STXBP5L: variants seen among roughly 807,000 people sequenced by gnomAD.
STXBP5L encodes the protein syntaxin binding protein 5L.
Under a neutral mutation model 144.5 loss-of-function variants are expected in STXBP5L, and 65 were observed. The ratio of observed to expected loss-of-function variants is 0.45; its 90% CI spans 0.37 to 0.55. The LOEUF (loss-of-function observed/expected upper bound fraction) is 0.55, where lower values mean the gene tolerates loss of function less well. Among genes scored for constraint, STXBP5L ranks in the 20% least tolerant of loss-of-function variants. STXBP5L has a pLI of 0.00. For synonymous variants in STXBP5L, 505 were observed against 469.6 expected (o/e 1.08, Z -0.97); for missense variants, 1,298 against 1,405.5 (o/e 0.92, Z 1.22).
At chr3:121,232,301 G>T (rs138111324) in intron 11 of STXBP5L, among the ~76,000 whole-genome samples, 1 of 152,034 alleles carries the variant, frequency 6.6e-6, no homozygotes, top group East Asian at 1.9e-4. Flanking sequence ...CCCTAACAAA[G>T]CCCCCTTGTG....
intron 19 of STXBP5L, among the ~76,000 whole-genome samples, chr3:121,280,877 A>G (rs2051035444): frequency 4.0e-5 from 6 of 151,460 alleles, no homozygotes; most frequent in Admixed American, 3.3e-4. Context: ...GTAATTCAAG[A>G]CCAGTCTACG....
At chr3:120,927,778 G>A (rs970297134) in intron 2 of STXBP5L, among the ~76,000 whole-genome samples, 14 of 152,030 alleles carry the variant, frequency 9.2e-5, no homozygotes, top group Non-Finnish European at 1.5e-5. Context: ...ATTTGTTTAG[G>A]TTTTCTGTAT....
chr3:121,167,207 A>G (rs1448308177), intron 9 of STXBP5L, among the ~76,000 whole-genome samples: 1 of 152,184 alleles, frequency 6.6e-6, no homozygotes, highest in African/African-American at 2.4e-5. Context: ...ATGAAGTACA[A>G]TTAATAAAAC....
chr3:121,081,763 GC>G (rs1276983331), intron 5 of STXBP5L, among the ~76,000 whole-genome samples: 1 of 152,182 alleles, frequency 6.6e-6, no homozygotes, highest in Non-Finnish European at 1.5e-5. Context: ...GTGGGCAGAG[GC>G]CCAGTATTTA....
chr3:121,149,393 C>CA (rs968685113), intron 7 of STXBP5L, among the ~76,000 whole-genome samples: 1 of 151,954 alleles, frequency 6.6e-6, no homozygotes, highest in Non-Finnish European at 1.5e-5. Context: ...AATGGGGAAA[C>CA]ACTAGAGGCA....
intron 3 of STXBP5L, among the ~76,000 whole-genome samples, chr3:120,999,188 G>T (rs949444485): frequency 6.6e-6 from 1 of 152,088 alleles, no homozygotes; most frequent in Non-Finnish European, 1.5e-5. Context: ...GAGTAGCTGG[G>T]ACTACAGGCA....
chr3:121,418,954 A>C (rs893116578), intron 26 of STXBP5L, 102 bp from the exon 27 acceptor site: 2 of 1,213,902 alleles, frequency 1.6e-6, no homozygotes, highest in Non-Finnish European at 2.3e-6. Flanking sequence ...GTTTGATTAT[A>C]AGTTTTGAGA....
At chr3:121,415,432 T>C (rs993733787) in intron 24 of STXBP5L, among the ~76,000 whole-genome samples, 7 of 152,164 alleles carry the variant, frequency 4.6e-5, no homozygotes, top group African/African-American at 1.4e-4. Context: ...CCTACAAAAA[T>C]AGATCCAACC....
chr3:121,348,493 C>G (rs576780915), intron 20 of STXBP5L, among the ~76,000 whole-genome samples: 4 of 152,018 alleles, frequency 2.6e-5, no homozygotes, highest in African/African-American at 4.8e-5. Flanking sequence ...GGGAGGATCC[C>G]CTCTTTTTCT....
intron 2 of STXBP5L, among the ~76,000 whole-genome samples, chr3:120,917,890 T>A (rs1408863712): frequency 6.6e-6 from 1 of 152,230 alleles, no homozygotes; most frequent in African/African-American, 2.4e-5. Flanking sequence ...CTGCTTCAAT[T>A]ACCAAAAACT....
chr3:120,925,734 C>T (rs1248736773), intron 2 of STXBP5L, among the ~76,000 whole-genome samples: 1 of 152,172 alleles, frequency 6.6e-6, no homozygotes, highest in East Asian at 1.9e-4. Flanking sequence ...TCCTTTCTTA[C>T]TGTCTTCCTT....
In STXBP5L at chr3:121,210,646, T is replaced by G. The variant is rs528787030; in HGVS notation, c.956+4645T>G. On this transcript the variant is annotated intron_variant, in intron 10 of 26. Coordinates refer to ENST00000471454, the MANE Select transcript of STXBP5L (RefSeq NM_001308330.2). ...AGGGATCCAGTTTCAGGTTTCTACA[T>G]ATGGCTAGCCAGTTTTCCCAGCACC... Among the ~76,000 whole-genome samples the G allele has an allele frequency of 2.3e-3, 356 of 152,362 alleles. 2 individuals carry two copies. Among genetic ancestry groups the G allele is most frequent in the African/African-American group, 8.0e-3 (331 of 41,580 alleles).
intron 8 of STXBP5L, among the ~76,000 whole-genome samples, chr3:121,154,633 A>G (rs572200353): frequency 6.2e-4 from 94 of 151,664 alleles, no homozygotes; most frequent in African/African-American, 1.9e-3. Flanking sequence ...TAGTGTTTAT[A>G]TTATCTCTTA....
rs35546907 is a variant in STXBP5L at position 121,066,362 on chromosome 3, G to GTATATATA, written c.470+20838_470+20845dup. ...ATTTTGCTCTTATTTTCCTATAAGC[G>GTATATATA]TATATATATATATATATACGCTTAT... On this transcript the variant is annotated intron_variant, in intron 5 of 26. Transcript: ENST00000471454. 1.9e-3 allele frequency among the ~76,000 whole-genome samples: 285 copies of GTATATATA among 146,166 alleles called. 1 individual carries two copies. Among genetic ancestry groups the GTATATATA allele is most frequent in the African/African-American group, 5.2e-3 (206 of 39,920 alleles).
At chr3:121,219,143 G>A (rs987729046) in intron 10 of STXBP5L, among the ~76,000 whole-genome samples, 3 of 152,122 alleles carry the variant, frequency 2.0e-5, no homozygotes, top group Non-Finnish European at 4.4e-5. Context: ...CATTGCTTCT[G>A]TTTTTTGTGA....
At chr3:120,909,470 G>T in intron 1 of STXBP5L, 101 bp from the exon 2 acceptor site, 2 of 1,033,096 alleles carry the variant, frequency 1.9e-6, no homozygotes, top group East Asian at 2.9e-5. Flanking sequence ...TCATAAAATG[G>T]GGACTGACTT....
At chr3:121,328,689 G>T (rs1014088086) in intron 20 of STXBP5L, among the ~76,000 whole-genome samples, 2 of 152,108 alleles carry the variant, frequency 1.3e-5, no homozygotes, top group Non-Finnish European at 2.9e-5. Flanking sequence ...GGCAGAGGTT[G>T]CAGTGAGCTG....
intron 7 of STXBP5L, among the ~76,000 whole-genome samples, chr3:121,147,745 G>A (rs1197580189): frequency 6.6e-6 from 1 of 152,132 alleles, no homozygotes; most frequent in African/African-American, 2.4e-5. Context: ...AGTGAAGCAG[G>A]TTGCCATTCC....
At chr3:121,026,881 T>A (rs1945987339) in intron 3 of STXBP5L, among the ~76,000 whole-genome samples, 2 of 151,706 alleles carry the variant, frequency 1.3e-5, no homozygotes, top group Admixed American at 6.6e-5. Context: ...ATTTCTAGGT[T>A]GCACTACAAA....
Sources: gnomAD v4.1 joint callset for allele counts (sites outside exome capture counted in the v4.1 genomes callset) on GRCh38, gnomAD v4.1.1 for gene constraint, MANE v1.5 for transcripts, NCBI Gene and HGNC (gene_info 2026-07-23, HGNC 2026-07-21) for gene names.